DTWD2: variants seen among roughly 807,000 people sequenced by gnomAD.
DTWD2 encodes DTW motif tRNA-uridine aminocarboxypropyltransferase 2, also known as tRNA-uridine aminocarboxypropyltransferase 2.
DTWD2 carries 39 observed loss-of-function variants against 31.8 expected under a neutral mutation model. That is an observed-to-expected ratio of 1.22 (90% confidence interval 0.95 to 1.60). The LOEUF (loss-of-function observed/expected upper bound fraction) is 1.60, where lower values mean the gene tolerates loss of function less well. Among genes scored for constraint, DTWD2 ranks in the 40% most tolerant of loss-of-function variants. The pLI is 0.00. For synonymous variants in DTWD2, 180 were observed against 142.8 expected (o/e 1.26, Z -1.86); for missense variants, 515 against 381.5 (o/e 1.35, Z -2.92).
At chr5:118,875,103 C>T (rs922441524) in intron 4 of DTWD2, among the ~76,000 whole-genome samples, 2 of 152,070 alleles carry the variant, frequency 1.3e-5, no homozygotes, top group African/African-American at 4.8e-5. Flanking sequence ...TTCATAACTA[C>T]CAAACTAAGA....
At chr5:118,941,519 T>C (rs2149584943) in intron 2 of DTWD2, among the ~76,000 whole-genome samples, 1 of 152,356 alleles carries the variant, frequency 6.6e-6, no homozygotes, top group Admixed American at 6.5e-5. Flanking sequence ...CATCATTTTT[T>C]ATGGCTGCAT....
chr5:118,896,664 G>A (rs1051729793), intron 4 of DTWD2, among the ~76,000 whole-genome samples: 5 of 152,160 alleles, frequency 3.3e-5, no homozygotes, highest in South Asian at 2.1e-4. Flanking sequence ...ATATGTGGCC[G>A]AATAGGGAGT....
At chr5:118,962,453 C>T (rs569414601) in intron 1 of DTWD2, among the ~76,000 whole-genome samples, 2 of 151,898 alleles carry the variant, frequency 1.3e-5, no homozygotes, top group Non-Finnish European at 2.9e-5. Flanking sequence ...ATTCCCATCA[C>T]GAGGCAATTT....
At chr5:118,858,490 G>T (rs1291463806) in intron 4 of DTWD2, among the ~76,000 whole-genome samples, 1 of 152,100 alleles carries the variant, frequency 6.6e-6, no homozygotes, top group Non-Finnish European at 1.5e-5. Flanking sequence ...TGAGTTAGAG[G>T]TTCTTCACCA....
chr5:118,955,861 C>T (rs967983944), intron 1 of DTWD2, among the ~76,000 whole-genome samples: 5 of 151,564 alleles, frequency 3.3e-5, no homozygotes, highest in African/African-American at 1.2e-4. Flanking sequence ...AAAAATATCA[C>T]ATAACTATAT....
intron 3 of DTWD2, 131 bp downstream of exon 3, chr5:118,939,065 A>T: frequency 1.4e-6 from 1 of 699,082 alleles, no homozygotes. Context: ...AGGGGTTAGC[A>T]GAACCTAAAT....
intron 1 of DTWD2, among the ~76,000 whole-genome samples, chr5:118,949,621 G>T (rs1476484082): frequency 6.6e-6 from 1 of 152,180 alleles, no homozygotes; most frequent in Non-Finnish European, 1.5e-5. Flanking sequence ...TTTAAAGCAT[G>T]CGGTGGGATG....
In DTWD2 at chr5:118,904,924, A is replaced by T. The variant is rs146468466; in HGVS notation, c.597+23613T>A. 2.6e-3 allele frequency among the ~76,000 whole-genome samples: 390 copies of T among 152,272 alleles called. 2 individuals carry two copies. Among genetic ancestry groups the T allele is most frequent in the African/African-American group, 8.7e-3 (362 of 41,582 alleles). On this transcript the variant is annotated intron_variant, in intron 4 of 5. Transcript: ENST00000510708. ...TTTCACCTCTGAATAGGCAGGAAGC[A>T]GAGAACAGAGAACATTCAGGGAAGG...
At chr5:118,956,772 A>G (rs1187875422) in intron 1 of DTWD2, among the ~76,000 whole-genome samples, 1 of 152,190 alleles carries the variant, frequency 6.6e-6, no homozygotes, top group Non-Finnish European at 1.5e-5. Flanking sequence ...CCAATACTCA[A>G]CAAAATTTTT....
chr5:118,976,141 A>G (rs1047496852), intron 1 of DTWD2, among the ~76,000 whole-genome samples: 6 of 152,226 alleles, frequency 3.9e-5, no homozygotes, highest in Non-Finnish European at 7.3e-5. Context: ...TCTGAAACCA[A>G]TGAGAACAAA....
chr5:118,858,389 C>T (rs1431144572), intron 4 of DTWD2, among the ~76,000 whole-genome samples: 1 of 152,176 alleles, frequency 6.6e-6, no homozygotes, highest in Non-Finnish European at 1.5e-5. Context: ...CAGACCAGTA[C>T]TTTAATAACA....
At chr5:118,863,303 T>C (rs1271351818) in intron 4 of DTWD2, among the ~76,000 whole-genome samples, 1 of 152,364 alleles carries the variant, frequency 6.6e-6, no homozygotes, top group East Asian at 1.9e-4. Flanking sequence ...AAATCAAGTA[T>C]GCATATATTA....
chr5:118,987,965 CTG>C (rs1157860205), intron 1 of DTWD2, among the ~76,000 whole-genome samples: 2 of 152,200 alleles, frequency 1.3e-5, no homozygotes, highest in Admixed American at 6.5e-5. Flanking sequence ...TTAAATATGA[CTG>C]TGTAACTATT....
chr5:118,970,499 C>T lies in DTWD2; in HGVS notation c.218+17795G>A, dbSNP rs531715350. Among the ~76,000 whole-genome samples the T allele has an allele frequency of 1.7e-4, 26 of 152,116 alleles. No individual in the cohort carries two copies. The East Asian group carries it at 1.7e-3, about 10-fold the overall frequency. ...GAAATACAGTATTACGGAAAAGGACCGAACCTACAACTGACTGGGGTACCT... is the reference window on the plus strand; with the variant it reads ...GAAATACAGTATTACGGAAAAGGACTGAACCTACAACTGACTGGGGTACCT... On this transcript the variant is annotated intron_variant, in intron 1 of 5. Transcript: ENST00000510708.
chr5:118,927,511 T>C (rs1337311977), intron 4 of DTWD2, among the ~76,000 whole-genome samples: 1 of 152,060 alleles, frequency 6.6e-6, no homozygotes, highest in East Asian at 1.9e-4. Context: ...AACGTTTGTG[T>C]ATGTGTGTGT....
chr5:118,911,316 T>C (rs534770100), intron 4 of DTWD2, among the ~76,000 whole-genome samples: 3 of 152,354 alleles, frequency 2.0e-5, no homozygotes, highest in East Asian at 3.9e-4. Flanking sequence ...AGATATCACC[T>C]TACATCTGTT....
intron 4 of DTWD2, among the ~76,000 whole-genome samples, chr5:118,884,749 G>A (rs1398082309): frequency 3.3e-5 from 5 of 151,932 alleles, no homozygotes; most frequent in Non-Finnish European, 7.4e-5. Flanking sequence ...GCTCATGCCT[G>A]TAATCCCAGC....
chr5:118,986,646 T>C (rs1003718430), intron 1 of DTWD2, among the ~76,000 whole-genome samples: 1 of 152,176 alleles, frequency 6.6e-6, no homozygotes, highest in African/African-American at 2.4e-5. Context: ...CATAATGAAA[T>C]AAAATATAAA....
At chr5:118,938,845 G>GAAAAAA (rs1173603042) in intron 3 of DTWD2, among the ~76,000 whole-genome samples, 1 of 82,628 alleles carries the variant, frequency 1.2e-5, no homozygotes, top group Non-Finnish European at 2.8e-5. Flanking sequence ...AGATATTTAA[G>GAAAAAA]AAAAAAAAAA....
Sources: gnomAD v4.1 joint callset for allele counts (sites outside exome capture counted in the v4.1 genomes callset) on GRCh38, gnomAD v4.1.1 for gene constraint, MANE v1.5 for transcripts, NCBI Gene and HGNC (gene_info 2026-07-23, HGNC 2026-07-21) for gene names.